Variants in LIPN observed in about 807,000 individuals in gnomAD.
The protein encoded by LIPN is lipase family member N.
Under a neutral mutation model 43.7 loss-of-function variants are expected in LIPN, and 32 were observed. That is an observed-to-expected ratio of 0.73 (90% CI 0.55 to 0.98). The LOEUF is 0.98. LIPN is among the 50% of genes least tolerant of loss of function. The pLI, the probability that LIPN is intolerant of heterozygous loss-of-function variation, is 0.00. For synonymous variants in LIPN, 156 were observed against 157.6 expected, an observed-to-expected ratio of 0.99 and a Z score of 0.08; for missense variants, 505 against 483.8, an observed-to-expected ratio of 1.04 and a Z score of -0.41.
At position 88,761,429 on chromosome 10, in the gene LIPN, A is replaced by G; in HGVS notation, c.24A>G (p.Thr8=). 1 of 1,612,256 alleles carries G rather than the reference A, an allele frequency of 6.2e-7. No individual in the cohort carries two copies. Among genetic ancestry groups the G allele is most frequent in the Non-Finnish European group, 8.5e-7 (1 of 1,178,878 alleles). The change falls in exon 2 of 10, where the codon ACA becomes ACG. Residue 8 remains threonine, a synonymous_variant. Coordinates refer to ENST00000404459, the MANE Select transcript of LIPN (RefSeq NM_001102469.2). ...CTATGATGTGGCTGCTTTTAACAACAACTTGTTTGATCTGTGGAACTTTAA... is the reference window on the plus strand; with the variant it reads ...CTATGATGTGGCTGCTTTTAACAACGACTTGTTTGATCTGTGGAACTTTAA... MMWLLLT[T]TCLICGTLNA...
chr10:88,762,474 AAGAC>A (rs1427414590), intron 3 of LIPN, among the ~76,000 whole-genome samples, 169 bp downstream of exon 3: 2 of 152,086 alleles, frequency 1.3e-5, no homozygotes, highest in Non-Finnish European at 2.9e-5. Flanking sequence ...TAATTCTCTG[AAGAC>A]AGACAGGAAC....
rs1843016317 is a variant in LIPN at position 88,762,324 on chromosome 10, C to T, written c.226+19C>T. On this transcript the variant is annotated intron_variant, in intron 3 of 9. Transcript: ENST00000404459. ...AGCACAGGTACAAGATATGTCTCTC[C>T]TGAAAAGGGGACTGCATTGACCTCC... 1 of 1,461,726 alleles carries T rather than the reference C, an allele frequency of 6.8e-7. No homozygotes were observed. The highest frequency in any genetic ancestry group is 1.4e-5 in the African/African-American group (1 of 71,904). The allele number at this position is 1,461,726 out of a possible 1,614,324, so 90.5% of individuals were successfully genotyped here. A position where few individuals can be genotyped will look rare whatever the true frequency, so the allele number is the denominator to read the frequency against.
intron 9 of LIPN, among the ~76,000 whole-genome samples, chr10:88,777,442 T>C (rs1170078155): frequency 1.3e-5 from 2 of 152,084 alleles, no homozygotes; most frequent in African/African-American, 4.8e-5. Context: ...CTGTAGGTGA[T>C]TCCATTAACT....
rs768454055 is a variant in LIPN, at chr10:88,778,113, C to T, written c.1068C>T (p.Leu356=). The change falls in exon 10 of 10, where the codon CTC becomes CTT. Residue 356 remains leucine (L), a synonymous_variant. Transcript: ENST00000404459. Reference sequence around the variant, plus strand: ...CACCCCAGGATGTGGCCAGGATACTCCCTCAAATCAAGAGTCTTCATTACT... The same window carrying T: ...CACCCCAGGATGTGGCCAGGATACTTCCTCAAATCAAGAGTCTTCATTACT... ...LVTPQDVARI[L]PQIKSLHYFK... is the part of the protein sequence containing the mutation. 6.2e-7 allele frequency: 1 copy of T among 1,613,610 alleles called. No homozygotes were observed. Among genetic ancestry groups the T allele is most frequent in the South Asian group, 1.1e-5 (1 of 91,062 alleles).
intron 5 of LIPN, 96 bp from the exon 6 acceptor site, chr10:88,768,696 T>C (rs954169800): frequency 2.5e-5 from 24 of 968,338 alleles, no homozygotes; most frequent in Non-Finnish European, 3.7e-5. Flanking sequence ...ATGATCACGA[T>C]AGAAGGAAAA....
In LIPN at chr10:88,778,035, T is replaced by A. The variant is rs766763190; in HGVS notation, c.990T>A (p.Thr330=). The A allele has an allele frequency of 6.2e-7, 1 of 1,613,396 alleles. No individual in the cohort carries two copies. The highest frequency in any genetic ancestry group is 8.5e-7 in the Non-Finnish European group (1 of 1,179,528). The change falls in exon 10 of 10, where the codon ACT becomes ACA. Residue 330 remains threonine (T), a synonymous_variant. Coordinates refer to ENST00000404459, the MANE Select transcript of LIPN (RefSeq NM_001102469.2). ...NQSHPPIYDL[T]AMKVPTAIWA... ...GTCATCCCCCTATATATGACCTGAC[T>A]GCCATGAAAGTGCCTACTGCTATTT...
At chr10:88,763,897 T>C (rs1000564872) in intron 3 of LIPN, among the ~76,000 whole-genome samples, 3 of 152,016 alleles carry the variant, frequency 2.0e-5, no homozygotes, top group Non-Finnish European at 1.5e-5. Context: ...GGAAGAGCTA[T>C]AGGACTTGAG....
In LIPN at chr10:88,778,838, A is replaced by G. The variant is rs144240660; in HGVS notation, c.*596A>G. ...TCTGCGTAAACGGAATCTTGAACCC[A>G]TAATAGGATACATGTATAAAATCTT... On this transcript the variant is annotated 3_prime_UTR_variant, in exon 10 of 10. Transcript: ENST00000404459. 2.0e-4 allele frequency among the ~76,000 whole-genome samples: 31 copies of G among 152,336 alleles called. No individual in the cohort carries two copies. Among genetic ancestry groups the G allele is most frequent in the East Asian group, 3.9e-4 (2 of 5,192 alleles).
rs1843015500 is a variant in LIPN, at chr10:88,762,292, T to C, written c.213T>C (p.His71=). The part of the protein sequence containing the change: ...LVNRIPYGRT[H]ARSTGPRPVV... The stretch of plus-strand genomic sequence containing the variant: ...ACAGAATTCCTTATGGGCGAACACA[T>C]GCTAGGAGCACAGGTACAAGATATG... The change falls in exon 3 of 10, where the codon CAT becomes CAC. Residue 71 remains histidine, a synonymous_variant. Transcript: ENST00000404459. 1.5e-5 allele frequency: 24 copies of C among 1,600,520 alleles called. No homozygotes were observed. Among genetic ancestry groups the C allele is most frequent in the Non-Finnish European group, 1.9e-5 (22 of 1,171,182 alleles).
rs552071627 is a variant in LIPN at position 88,771,838 on chromosome 10, C to T, written c.819+847C>T. On this transcript the variant is annotated intron_variant, in intron 7 of 9. Transcript: ENST00000404459. ...TTTTGAGGATCCCTCATACTCTTCC[C>T]CATAGTTCCTGTACTAATTTACATT... 2.6e-5 allele frequency among the ~76,000 whole-genome samples: 4 copies of T among 151,838 alleles called. No homozygotes were observed. The South Asian group carries it at 8.3e-4, about 31-fold the overall frequency.
At chr10:88,764,287 A>ATGTG (rs1843051051) in intron 3 of LIPN, 123 bp from the exon 4 acceptor site, 3 of 651,530 alleles carry the variant, frequency 4.6e-6, no homozygotes, top group Non-Finnish European at 5.2e-6. Context: ...TTGTTTTACC[A>ATGTG]TGTGTGTATG....
chr10:88,759,403 A>G (rs998556705), upstream of LIPN, among the ~76,000 whole-genome samples: 1 of 152,178 alleles, frequency 6.6e-6, no homozygotes, highest in Non-Finnish European at 1.5e-5. Flanking sequence ...ATTATCTGGT[A>G]TCTCATGTGG....
chr10:88,774,540 A>T lies in LIPN; in HGVS notation c.887A>T (p.Lys296Ile). The change falls in exon 8 of 10, where the codon AAA becomes ATA. Residue 296 changes from lysine (K) to isoleucine (I), a missense_variant. Coordinates refer to ENST00000404459, the MANE Select transcript of LIPN (RefSeq NM_001102469.2). ...GSSVHNILHI[K>I]QLYHSDEFRA... ...TCAGTACACAACATTCTGCATATAA[A>T]ACAGGTAGAGTCTTAGTCATGGAAA... 2 of 1,608,828 alleles carry T rather than the reference A, an allele frequency of 1.2e-6. No individual in the cohort carries two copies. The highest frequency in any genetic ancestry group is 1.7e-6 in the Non-Finnish European group (2 of 1,175,916).
intron 9 of LIPN, among the ~76,000 whole-genome samples, chr10:88,777,039 C>T (rs575816753): frequency 1.3e-5 from 2 of 152,196 alleles, no homozygotes; most frequent in South Asian, 4.1e-4. Context: ...GCTTCTTCTA[C>T]TTACTCCTTA....
Position 88,771,100 on chromosome 10 carries a change from C to T in LIPN, c.819+109C>T, listed in dbSNP as rs1843201135. ...TATAAATTCATATGGTATTCCAAAC[C>T]CTTAAAGACAGATTTTTTTTTGCTT... On this transcript the variant is annotated intron_variant, in intron 7 of 9. Coordinates refer to ENST00000404459, the MANE Select transcript of LIPN (RefSeq NM_001102469.2). The T allele has an allele frequency of 6.4e-6, 6 of 938,458 alleles. No homozygotes were observed. The East Asian group carries it at 1.6e-4, about 26-fold the overall frequency. 58.1% of individuals were successfully genotyped at this position (938,458 alleles called of 1,614,324 possible).
intron 1 of LIPN, among the ~76,000 whole-genome samples, 150 bp from the exon 2 acceptor site, chr10:88,761,248 G>C (rs530956993): frequency 1.2e-4 from 18 of 152,248 alleles, no homozygotes; most frequent in Admixed American, 2.0e-4. Flanking sequence ...CTCCAAGTTA[G>C]TTCACTGTAT....
At chr10:88,765,320 A>T (rs997949464) in intron 4 of LIPN, among the ~76,000 whole-genome samples, 1 of 151,984 alleles carries the variant, frequency 6.6e-6, no homozygotes, top group Non-Finnish European at 1.5e-5. Flanking sequence ...TGTAAACCTG[A>T]TGCTAGAACA....
chr10:88,778,038 C>A lies in LIPN; in HGVS notation c.993C>A (p.Ala331=). 1 of 1,613,362 alleles carries A rather than the reference C, an allele frequency of 6.2e-7. No individual in the cohort carries two copies. Among genetic ancestry groups the A allele is most frequent in the Non-Finnish European group, 8.5e-7 (1 of 1,179,546 alleles). Residue 331 remains alanine, a synonymous_variant, in exon 10 of 10, where the codon GCC becomes GCA. Transcript: ENST00000404459. ...ATCCCCCTATATATGACCTGACTGCCATGAAAGTGCCTACTGCTATTTGGG... is the reference window on the plus strand; with the variant it reads ...ATCCCCCTATATATGACCTGACTGCAATGAAAGTGCCTACTGCTATTTGGG... ...QSHPPIYDLT[A]MKVPTAIWAG...
intron 7 of LIPN, among the ~76,000 whole-genome samples, chr10:88,771,273 T>C (rs1843204532): frequency 6.6e-6 from 1 of 151,842 alleles, no homozygotes; most frequent in Non-Finnish European, 1.5e-5. Context: ...TTAGAGACAT[T>C]CTAATTTGAC....
Sources: gnomAD v4.1 joint callset for allele counts (sites outside exome capture counted in the v4.1 genomes callset) on GRCh38, gnomAD v4.1.1 for gene constraint, MANE v1.5 for transcripts, NCBI Gene and HGNC (gene_info 2026-07-23, HGNC 2026-07-21) for gene names.